ITGA1: variants seen among roughly 807,000 people sequenced by gnomAD.
The protein encoded by ITGA1 is integrin subunit alpha 1, also known as integrin alpha-1.
Under a neutral mutation model 145.9 loss-of-function variants are expected in ITGA1, and 85 were observed. That is an observed-to-expected ratio of 0.58 (90% CI 0.49 to 0.70). ITGA1 has a LOEUF of 0.70. Ranked by LOEUF, ITGA1 falls within the 30% of genes least tolerant of loss-of-function variation. ITGA1 has a pLI of 0.00. For synonymous variants in ITGA1, 520 were observed against 495.3 expected, an observed-to-expected ratio of 1.05 and a Z score of -0.66; for missense variants, 1,351 against 1,418.7, an observed-to-expected ratio of 0.95 and a Z score of 0.77.
intron 8 of ITGA1, among the ~76,000 whole-genome samples, chr5:52,892,963 A>G (rs1750173283): frequency 6.6e-6 from 1 of 152,138 alleles, no homozygotes; most frequent in South Asian, 2.1e-4. Flanking sequence ...ACATCTAAAC[A>G]GGGTGAATTT....
At chr5:52,860,920 C>A (rs1749587850) in intron 2 of ITGA1, among the ~76,000 whole-genome samples, 1 of 152,170 alleles carries the variant, frequency 6.6e-6, no homozygotes, top group Non-Finnish European at 1.5e-5. Context: ...TATAAACTAG[C>A]ACATGCTAAT....
chr5:52,797,735 G>A (rs1453919125), intron 1 of ITGA1, among the ~76,000 whole-genome samples: 3 of 152,172 alleles, frequency 2.0e-5, no homozygotes, highest in Non-Finnish European at 4.4e-5. Flanking sequence ...TTCAATGCTA[G>A]TCATGTGATC....
At chr5:52,940,320 G>C (rs942650498) in intron 26 of ITGA1, among the ~76,000 whole-genome samples, 2 of 151,122 alleles carry the variant, frequency 1.3e-5, no homozygotes, top group African/African-American at 4.9e-5. Context: ...ACAAAGGAAA[G>C]AGCTAACATA....
At chr5:52,800,528 G>A (rs1163421986) in intron 1 of ITGA1, 1 of 1,614,060 alleles carries the variant, frequency 6.2e-7, no homozygotes, top group East Asian at 2.2e-5. Context: ...TCCACCATCC[G>A]CAAGGTACAG....
At chr5:52,848,498 TA>T (rs1749372986) in intron 1 of ITGA1, among the ~76,000 whole-genome samples, 1 of 152,252 alleles carries the variant, frequency 6.6e-6, no homozygotes, top group Non-Finnish European at 1.5e-5. Context: ...GTACAGATAT[TA>T]AATTAGTATG....
At chr5:52,860,760 G>A (rs370628090) in intron 2 of ITGA1, among the ~76,000 whole-genome samples, 42 of 152,246 alleles carry the variant, frequency 2.8e-4, no homozygotes, top group African/African-American at 9.6e-4. Flanking sequence ...GATATCATGG[G>A]AGACTTAAAT....
At chr5:52,916,952 A>G (rs915491055) in intron 15 of ITGA1, among the ~76,000 whole-genome samples, 2 of 152,226 alleles carry the variant, frequency 1.3e-5, no homozygotes, top group Non-Finnish European at 2.9e-5. Context: ...AAATCAAGGC[A>G]TTGATGGCCC....
At chr5:52,828,278 G>A (rs543741153) in intron 1 of ITGA1, among the ~76,000 whole-genome samples, 57 of 152,236 alleles carry the variant, frequency 3.7e-4, no homozygotes, top group African/African-American at 1.3e-3. Flanking sequence ...AACAATATAT[G>A]AGAGTTCCAA....
chr5:52,910,938 G>A (rs1349274981), intron 14 of ITGA1, among the ~76,000 whole-genome samples: 3 of 134,256 alleles, frequency 2.2e-5, no homozygotes, highest in South Asian at 4.7e-4. Flanking sequence ...TATATGGTAT[G>A]TATACTGTAT....
At position 52,893,811 on chromosome 5, in the gene ITGA1, C is replaced by T; in HGVS notation, c.1061C>T (p.Thr354Ile). The T allele has an allele frequency of 1.2e-6, 2 of 1,611,808 alleles. No homozygotes were observed. The highest frequency in any genetic ancestry group is 1.7e-5 in the Admixed American group (1 of 59,898). Residue 354 changes from threonine (T) to isoleucine (I), a missense_variant, in exon 9 of 29, where the codon ACT becomes ATT. Physicochemically the swap from Thr to Ile is moderately conservative, Grantham distance 89. Coordinates refer to ENST00000282588, the MANE Select transcript of ITGA1 (RefSeq NM_181501.2). The part of the protein sequence containing the change: ...DELALVTIVK[T>I]LGERIFALEA... ...TTGGCTCTAGTCACCATTGTTAAAA[C>T]TCTGGGAGAAAGAATATTTGCCCTG... is the stretch of plus-strand genomic sequence containing the variant.
At chr5:52,871,536 A>G (rs1749775948) in intron 6 of ITGA1, among the ~76,000 whole-genome samples, 1 of 152,182 alleles carries the variant, frequency 6.6e-6, no homozygotes, top group Non-Finnish European at 1.5e-5. Context: ...TTTGTCATTT[A>G]GTAATTGCAA....
At chr5:52,905,969 T>C (rs1750397006) in intron 12 of ITGA1, 61 bp downstream of exon 12, 1 of 1,453,100 alleles carries the variant, frequency 6.9e-7, no homozygotes, top group Non-Finnish European at 9.4e-7. Flanking sequence ...GTATATTTAC[T>C]GTCTATTGTC....
intron 11 of ITGA1, among the ~76,000 whole-genome samples, chr5:52,901,151 G>A (rs1353426514): frequency 1.3e-5 from 2 of 152,198 alleles, no homozygotes. Flanking sequence ...GATGTGGCCA[G>A]AGGGAGACAG....
chr5:52,815,419 A>C (rs536564316), intron 1 of ITGA1, among the ~76,000 whole-genome samples: 1 of 152,204 alleles, frequency 6.6e-6, no homozygotes, highest in Non-Finnish European at 1.5e-5. Flanking sequence ...TGTTTATCTG[A>C]AATTCAAATG....
Position 52,939,640 on chromosome 5 carries a change from T to C in ITGA1, c.3129T>C (p.Ser1043=). Residue 1043 remains serine, a synonymous_variant, in exon 25 of 29, where the codon TCT becomes TCC. Coordinates refer to ENST00000282588, the MANE Select transcript of ITGA1 (RefSeq NM_181501.2). ...HIFEDPFSIN[S]GKKMTTSTDH... ...TTGAGGATCCTTTCAGTATCAACTC[T>C]GGAAAGAAAATGACTACATCAACTG... 1 of 1,613,742 alleles carries C rather than the reference T, an allele frequency of 6.2e-7. No individual in the cohort carries two copies. The highest frequency in any genetic ancestry group is 8.5e-7 in the Non-Finnish European group (1 of 1,179,690).
At chr5:52,889,897 T>A (rs867450434) in intron 8 of ITGA1, 1 of 147,886 alleles carries the variant, frequency 6.8e-6, no homozygotes. Flanking sequence ...TGGATATTCT[T>A]AAAAAAAAAA....
At chr5:52,926,530 A>G (rs1451188571) in intron 19 of ITGA1, among the ~76,000 whole-genome samples, 1 of 152,146 alleles carries the variant, frequency 6.6e-6, no homozygotes, top group Non-Finnish European at 1.5e-5. Flanking sequence ...TGAACCCGGG[A>G]GGTGGAGGTT....
chr5:52,812,789 C>CTTTTT (rs61600951), intron 1 of ITGA1, among the ~76,000 whole-genome samples: 1 of 86,114 alleles, frequency 1.2e-5, no homozygotes. Flanking sequence ...CTTCTTATCG[C>CTTTTT]TTTTTTTTTT....
rs1416966608 is a variant in ITGA1 at position 52,918,730 on chromosome 5, A to T, written c.1989-2A>T. On this transcript the variant is annotated splice_acceptor_variant, in intron 15 of 28. Coordinates refer to ENST00000282588, the MANE Select transcript of ITGA1 (RefSeq NM_181501.2). LOFTEE classifies it high-confidence loss of function. Reference sequence around the variant, plus strand: ...GAGTAATCCCATTGTTTTTGTTTGTAGGTCCCGAGATGTGGCCGTAGTTAA... The same window carrying T: ...GAGTAATCCCATTGTTTTTGTTTGTTGGTCCCGAGATGTGGCCGTAGTTAA... 8 of 1,598,396 alleles carry T rather than the reference A, an allele frequency of 5.0e-6. No individual in the cohort carries two copies. Among genetic ancestry groups the T allele is most frequent in the Non-Finnish European group, 6.8e-6 (8 of 1,175,420 alleles).
Sources: allele counts gnomAD v4.1 joint callset (sites outside exome capture counted in the v4.1 genomes callset), GRCh38; gene constraint gnomAD v4.1.1; transcripts MANE v1.5; gene names NCBI Gene and HGNC (gene_info 2026-07-23, HGNC 2026-07-21).